The following INTU variants were observed in gnomAD, a reference collection of about 807,000 sequenced individuals.
INTU encodes the protein inturned planar cell polarity protein.
Under a neutral mutation model 100.5 loss-of-function variants are expected in INTU, and 68 were observed. That is an observed-to-expected ratio of 0.68 (90% CI 0.56 to 0.83). INTU has a LOEUF of 0.83. INTU is among the 40% of genes least tolerant of loss of function. INTU has a pLI of 0.00. For synonymous variants in INTU, 357 were observed against 395.7 expected, an observed-to-expected ratio of 0.90 and a Z score of 1.16; for missense variants, 1,071 against 1,114.7, an observed-to-expected ratio of 0.96 and a Z score of 0.56.
chr4:127,679,257 C>T (rs1205919001), intron 6 of INTU, among the ~76,000 whole-genome samples: 1 of 152,148 alleles, frequency 6.6e-6, no homozygotes. Context: ...GAGGACCTAA[C>T]AGACATCTAC....
intron 6 of INTU, among the ~76,000 whole-genome samples, chr4:127,679,382 A>T (rs966247624): frequency 6.6e-6 from 1 of 152,164 alleles, no homozygotes; most frequent in African/African-American, 2.4e-5. Context: ...ATGTAAAAGA[A>T]CAGAAATTAT....
Position 127,714,071 on chromosome 4 carries a change from G to C in INTU, c.2695G>C (p.Val899Leu). The C allele has an allele frequency of 6.2e-7, 1 of 1,613,180 alleles. No homozygotes were observed. Among genetic ancestry groups the C allele is most frequent in the South Asian group, 1.1e-5 (1 of 90,896 alleles). Residue 899 changes from valine (V) to leucine (L), a missense_variant, in exon 15 of 16, where the codon GTT (valine) becomes CTT (leucine). Transcript: ENST00000335251. Reference sequence around the variant, plus strand: ...GACTGATCAGAAAAAAGCACCACCAGTTATGGCTTACTGGGTAGTAGGGTA... The same window carrying C: ...GACTGATCAGAAAAAAGCACCACCACTTATGGCTTACTGGGTAGTAGGGTA... ...NWTDQKKAPP[V>L]MAYWVVGRLF...
At chr4:127,645,276 G>A (rs942213236) in intron 2 of INTU, among the ~76,000 whole-genome samples, 1 of 152,188 alleles carries the variant, frequency 6.6e-6, no homozygotes, top group Non-Finnish European at 1.5e-5. Context: ...CATAAAAGGT[G>A]ATGCAGCTTC....
chr4:127,655,979 C>T (rs1019994460), intron 2 of INTU, among the ~76,000 whole-genome samples: 5 of 152,170 alleles, frequency 3.3e-5, no homozygotes, highest in African/African-American at 9.7e-5. Context: ...GGGAGTGACC[C>T]GATTTTCCAG....
In INTU at chr4:127,643,779, CA is replaced by C; in HGVS notation, c.407del (p.Asn136MetfsTer7). The C allele has an allele frequency of 6.2e-7, 1 of 1,614,034 alleles. No homozygotes were observed. The highest frequency in any genetic ancestry group is 1.1e-5 in the South Asian group (1 of 91,066). On this transcript the variant is annotated frameshift_variant, in exon 2 of 16. Transcript: ENST00000335251. LOFTEE classifies it high-confidence loss of function. ...GCTGCAATAAAAAAAATAGCAATGACAATGGACCAGTATCCATTCTAAAGCA... is the reference window on the plus strand; with the variant it reads ...GCTGCAATAAAAAAAATAGCAATGACATGGACCAGTATCCATTCTAAAGCA... ...KRCNKKNSND[N>X]GPVSILKHQS...
At chr4:127,634,314 T>A (rs72624505) in intron 1 of INTU, among the ~76,000 whole-genome samples, 4,617 of 152,264 alleles carry the variant, frequency 0.03, 303 homozygotes, top group East Asian at 0.26. Context: ...CCTTATTTGG[T>A]CTTGGTATGT....
chr4:127,660,760 G>A (rs750939614), intron 3 of INTU, among the ~76,000 whole-genome samples: 1 of 152,132 alleles, frequency 6.6e-6, no homozygotes, highest in South Asian at 2.1e-4. Flanking sequence ...CATAGGACAC[G>A]AAGGATCCTG....
Position 127,706,945 on chromosome 4 carries a change from A to C in INTU, c.2247A>C (p.Leu749Phe), listed in dbSNP as rs35858752. The C allele has an allele frequency of 0.027, 44,028 of 1,613,630 alleles. 2,990 individuals are homozygous for C. In the East Asian group the frequency reaches 0.3, roughly 11 times the overall value. Reference sequence around the variant, plus strand: ...GAGAATCTCAGGGCTCTGATGGTTTAGAAGAAAGTGGGACCTTGCTTAAGG... The same window carrying C: ...GAGAATCTCAGGGCTCTGATGGTTTCGAAGAAAGTGGGACCTTGCTTAAGG... ...KQRESQGSDG[L>F]EESGTLLKVT... Residue 749 changes from leucine to phenylalanine, a missense_variant, in exon 12 of 16, where the codon TTA becomes TTC. Leu to Phe is a conservative substitution (Grantham distance 22). Coordinates refer to ENST00000335251, the MANE Select transcript of INTU (RefSeq NM_015693.4).
In INTU at chr4:127,722,730, G is replaced by A. The variant is rs960862370; in HGVS notation, c.*6294G>A. On this transcript the variant is annotated 3_prime_UTR_variant, in exon 16 of 16. Coordinates refer to ENST00000335251, the MANE Select transcript of INTU (RefSeq NM_015693.4). ...CCCATCTCGCCGGCGCTAGCAGCAA[G>A]GGAAAGTGGCCAATTGAAGCCGCAG... The A allele has an allele frequency of 6.6e-6, 1 of 152,492 alleles. No homozygotes were observed. The highest frequency in any genetic ancestry group is 6.5e-5 in the Admixed American group (1 of 15,292). 9.4% of individuals were successfully genotyped at this position (152,492 alleles called of 1,614,324 possible).
Position 127,684,443 on chromosome 4 carries a change from A to G in INTU, c.1216A>G (p.Asn406Asp). 2 of 1,602,520 alleles carry G rather than the reference A, an allele frequency of 1.2e-6. No homozygotes were observed. The change falls in exon 7 of 16, where the codon AAT (asparagine) becomes GAT (aspartate). Residue 406 changes from asparagine to aspartate, a missense_variant. Physicochemically the swap from Asn to Asp is conservative, Grantham distance 23. Transcript: ENST00000335251. Reference protein sequence around the residue: ...PLPRLRNMIENVIQTLKFMYG... With the variant: ...PLPRLRNMIEDVIQTLKFMYG... ...TCCTCGTCTAAGGAACATGATAGAA[A>G]ATGTCATCCAAACCTTAAAATTTAT... is the stretch of plus-strand genomic sequence containing the variant.
chr4:127,711,797 A>G (rs1304024590), intron 14 of INTU, among the ~76,000 whole-genome samples: 1 of 152,202 alleles, frequency 6.6e-6, no homozygotes, highest in East Asian at 1.9e-4. Flanking sequence ...CCAATGCCAG[A>G]AAGGTTGGGG....
chr4:127,674,268 T>C, intron 6 of INTU, 55 bp downstream of exon 6: 1 of 1,360,548 alleles, frequency 7.3e-7, no homozygotes, highest in Non-Finnish European at 1.0e-6. Flanking sequence ...TTAACTTTTG[T>C]TTTGTTAAAA....
rs1560843537 is a variant in INTU, at chr4:127,663,381, G to GTTT, written c.770_771insTTT (p.Val257_Lys258insLeu). Reference sequence around the variant, plus strand: ...CAACACATTGTTTTAATTTTTAAAGGTGAAACTGACATTTGAAAATGCATA... The same window carrying GTTT: ...CAACACATTGTTTTAATTTTTAAAGGTTTTGAAACTGACATTTGAAAATGCATA... On this transcript the variant is annotated inframe_insertion and splice_region_variant, in exon 4 of 16. Transcript: ENST00000335251. 1 of 1,610,362 alleles carries GTTT rather than the reference G, an allele frequency of 6.2e-7. No homozygotes were observed. The highest frequency in any genetic ancestry group is 8.5e-7 in the Non-Finnish European group (1 of 1,177,604).
At chr4:127,653,775 C>G (rs1005068691) in intron 2 of INTU, among the ~76,000 whole-genome samples, 7 of 151,404 alleles carry the variant, frequency 4.6e-5, no homozygotes, top group Middle Eastern at 3.4e-3. Context: ...CCTGGGTATC[C>G]TTGTTGACGT....
intron 2 of INTU, among the ~76,000 whole-genome samples, chr4:127,651,422 C>G (rs112475441): frequency 0.54 from 80,175 of 148,822 alleles, 21,407 homozygotes; most frequent in South Asian, 0.63. Flanking sequence ...GATCCAGTTT[C>G]AGCTTTCTAC....
rs1730911450 is a variant in INTU, at chr4:127,706,986, G to A, written c.2271+17G>A. 1.9e-6 allele frequency: 3 copies of A among 1,598,820 alleles called. No homozygotes were observed. The highest frequency in any genetic ancestry group is 3.4e-4 in the Middle Eastern group (2 of 5,968). On this transcript the variant is annotated intron_variant, in intron 12 of 15. Transcript: ENST00000335251. ...TTGCTTAAGGTGTGTGCTTATTCAAGTGTGTATGTTCTGGGAGCTAAGTTG... is the reference window on the plus strand; with the variant it reads ...TTGCTTAAGGTGTGTGCTTATTCAAATGTGTATGTTCTGGGAGCTAAGTTG...
chr4:127,633,033 C>G lies in INTU; in HGVS notation c.-2C>G, dbSNP rs752892193. 3 of 1,611,746 alleles carry G rather than the reference C, an allele frequency of 1.9e-6. No homozygotes were observed. The highest frequency in any genetic ancestry group is 2.5e-6 in the Non-Finnish European group (3 of 1,178,296). On this transcript the variant is annotated 5_prime_UTR_variant, in exon 1 of 16. Coordinates refer to ENST00000335251, the MANE Select transcript of INTU (RefSeq NM_015693.4). ...CCACTCGTAGCTATTGCATTCCTGA[C>G]GATGGCCTCTGTGGCTTCGTGCGAT...
At position 127,657,476 on chromosome 4, in the gene INTU, G is replaced by C. The variant is rs114574742; in HGVS notation, c.768+755G>C. Among the ~76,000 whole-genome samples the C allele has an allele frequency of 9.4e-3, 1,426 of 152,152 alleles. 15 individuals carry two copies. Among genetic ancestry groups the C allele is most frequent in the Middle Eastern group, 0.031 (9 of 294 alleles). On this transcript the variant is annotated intron_variant, in intron 3 of 15. Coordinates refer to ENST00000335251, the MANE Select transcript of INTU (RefSeq NM_015693.4). ...AGGGGTCCCCAAACCCTGGGCCACGGACTGGTAGTGGTTCGTGGCCTGTTA... is the reference window on the plus strand; with the variant it reads ...AGGGGTCCCCAAACCCTGGGCCACGCACTGGTAGTGGTTCGTGGCCTGTTA...
At chr4:127,702,893 G>A (rs1292412814) in intron 9 of INTU, among the ~76,000 whole-genome samples, 1 of 152,000 alleles carries the variant, frequency 6.6e-6, no homozygotes, top group Non-Finnish European at 1.5e-5. Flanking sequence ...ATCCTGCTCA[G>A]CCTGGCCCTA....
Sources: allele counts gnomAD v4.1 joint callset (sites outside exome capture counted in the v4.1 genomes callset), GRCh38; gene constraint gnomAD v4.1.1; transcripts MANE v1.5; gene names NCBI Gene and HGNC (gene_info 2026-07-23, HGNC 2026-07-21).